The following GAS7 variants were observed in gnomAD, a reference collection of about 807,000 sequenced individuals.
GAS7 encodes the protein growth arrest-specific protein 7.
A neutral mutation model predicts 71.1 loss-of-function variants in GAS7; 28 were observed. That is an observed-to-expected ratio of 0.39 (90% CI 0.29 to 0.54). The LOEUF is 0.54. Among genes scored for constraint, GAS7 ranks in the 20% least tolerant of loss-of-function variants. The pLI is 0.62. For synonymous variants in GAS7, 258 were observed against 245.8 expected, an observed-to-expected ratio of 1.05 and a Z score of -0.46; for missense variants, 436 against 627.8, an observed-to-expected ratio of 0.69 and a Z score of 3.27.
intron 1 of GAS7, among the ~76,000 whole-genome samples, chr17:10,058,327 C>A (rs181422969): frequency 6.6e-6 from 1 of 152,084 alleles, no homozygotes; most frequent in East Asian, 1.9e-4. Flanking sequence ...GTGGCAGGTG[C>A]CTGTAGTCCA....
At chr17:9,950,855 C>CA (rs537877970) in intron 5 of GAS7, among the ~76,000 whole-genome samples, 15,500 of 139,232 alleles carry the variant, frequency 0.11, 818 homozygotes, top group South Asian at 0.15. Flanking sequence ...GACTGTGTCT[C>CA]AAAAAAAAAA....
intron 9 of GAS7, among the ~76,000 whole-genome samples, chr17:9,927,290 T>TACATACACACAC (rs1555589671): frequency 2.6e-5 from 3 of 116,890 alleles, no homozygotes; most frequent in Non-Finnish European, 3.5e-5. Context: ...CTCTACTACA[T>TACATACACACAC]ACACACACAC....
intron 1 of GAS7, among the ~76,000 whole-genome samples, chr17:10,086,438 G>A (rs558623742): frequency 2.0e-5 from 3 of 152,276 alleles, no homozygotes; most frequent in South Asian, 2.1e-4. Context: ...TTTTCACCCG[G>A]CATTCCCGAT....
chr17:10,080,459 C>T (rs1376054995), intron 1 of GAS7, among the ~76,000 whole-genome samples: 1 of 152,108 alleles, frequency 6.6e-6, no homozygotes, highest in Non-Finnish European at 1.5e-5. Flanking sequence ...TATGAAGTAG[C>T]CATTCTTTCA....
intron 6 of GAS7, among the ~76,000 whole-genome samples, chr17:9,945,036 G>T (rs958844489): frequency 1.3e-5 from 2 of 152,026 alleles, no homozygotes; most frequent in African/African-American, 4.8e-5. Context: ...CACAAGTGTC[G>T]CCCTCCGGAT....
chr17:10,118,529 G>A (rs183341309), intron 1 of GAS7, among the ~76,000 whole-genome samples: 8 of 152,120 alleles, frequency 5.3e-5, no homozygotes, highest in South Asian at 2.1e-4. Flanking sequence ...TGGCCAACAC[G>A]GTAAAACCCC....
chr17:10,159,065 C>CATATATATATATATATATATATATATAT (rs745794234), intron 1 of GAS7, among the ~76,000 whole-genome samples: 63 of 59,936 alleles, frequency 1.1e-3, no homozygotes, highest in East Asian at 1.8e-3. Flanking sequence ...GTCTCTAAAA[C>CATATATATATATATATATATATATATAT]ATATATATAT....
At chr17:10,108,951 A>G (rs1421095893) in intron 1 of GAS7, among the ~76,000 whole-genome samples, 1 of 152,192 alleles carries the variant, frequency 6.6e-6, no homozygotes, top group Non-Finnish European at 1.5e-5. Context: ...ACAGACAACA[A>G]AACCAAAAAT....
chr17:9,928,721 A>G (rs370531292), intron 9 of GAS7, among the ~76,000 whole-genome samples: 10 of 152,330 alleles, frequency 6.6e-5, no homozygotes, highest in South Asian at 2.1e-4. Flanking sequence ...AGGTGTCCCT[A>G]TTCTAAGCAA....
At chr17:10,181,465 T>C (rs61410609) in intron 1 of GAS7, among the ~76,000 whole-genome samples, 18,235 of 151,692 alleles carry the variant, frequency 0.12, 1,293 homozygotes, top group East Asian at 0.25. Context: ...GAGGGTTACT[T>C]CGAGGAACAG....
At chr17:9,996,363 T>C (rs144026812) in intron 2 of GAS7, among the ~76,000 whole-genome samples, 6 of 140,292 alleles carry the variant, frequency 4.3e-5, no homozygotes, top group South Asian at 2.2e-4. Context: ...TAGGTGGGAA[T>C]TGAACAATGA....
At chr17:10,097,493 G>T (rs1390228516) in intron 1 of GAS7, among the ~76,000 whole-genome samples, 1 of 152,194 alleles carries the variant, frequency 6.6e-6, no homozygotes, top group African/African-American at 2.4e-5. Flanking sequence ...GGGCGAGCAG[G>T]ACACACTGGA....
chr17:9,929,239 G>C (rs2068122080), intron 9 of GAS7, among the ~76,000 whole-genome samples: 1 of 152,148 alleles, frequency 6.6e-6, no homozygotes, highest in Non-Finnish European at 1.5e-5. Flanking sequence ...TGACTTTCAG[G>C]CTTTAATACG....
Position 9,919,969 on chromosome 17 carries a change from T to TTGTGTGTGTGTGTGTGTGTGTGTGTGTG in GAS7, c.1139-292_1139-265dup, listed in dbSNP as rs34994635. 1.5e-5 allele frequency among the ~76,000 whole-genome samples: 2 copies of TTGTGTGTGTGTGTGTGTGTGTGTGTGTG among 131,398 alleles called. No individual in the cohort carries two copies. Among genetic ancestry groups the TTGTGTGTGTGTGTGTGTGTGTGTGTGTG allele is most frequent in the Non-Finnish European group, 3.2e-5 (2 of 62,654 alleles). The allele number at this position is 131,398 out of a possible 152,430, so 86.2% of individuals were successfully genotyped here. A position where few individuals can be genotyped will look rare whatever the true frequency, so the allele number is the denominator to read the frequency against. ...AGGATTCAGGATGGTGGTTCTCATT[T>TTGTGTGTGTGTGTGTGTGTGTGTGTGTG]TGTGTGTGTGTGTGTGTGTGTGTGT... On this transcript the variant is annotated intron_variant, in intron 11 of 13. Transcript: ENST00000432992. The surrounding 1 kb of genome is among the most constrained non-coding windows in gnomAD (Gnocchi z 5.0).
intron 6 of GAS7, among the ~76,000 whole-genome samples, chr17:9,945,183 C>T (rs970003646): frequency 1.3e-5 from 2 of 152,078 alleles, no homozygotes; most frequent in Non-Finnish European, 2.9e-5. Context: ...ATTTACTGCA[C>T]CCCTCTTGAG....
intron 1 of GAS7, among the ~76,000 whole-genome samples, chr17:10,121,407 T>A (rs778179478): frequency 6.6e-6 from 1 of 151,896 alleles, no homozygotes; most frequent in African/African-American, 2.4e-5. Flanking sequence ...ATTTAAAAAT[T>A]TAAAAAAAGA....
Position 9,915,349 on chromosome 17 carries a change from A to G in GAS7, c.*1879T>C, listed in dbSNP as rs1430472319. ...ACTAAGCCACAAAGCAATTACCACT[A>G]GCACCCATTTTTCATAAAGAAACCA... On this transcript the variant is annotated 3_prime_UTR_variant, in exon 14 of 14. Transcript: ENST00000432992. The G allele has an allele frequency of 1.3e-5, 3 of 231,130 alleles. No individual in the cohort carries two copies. The East Asian group carries it at 1.8e-4, about 14-fold the overall frequency. The allele number at this position is 231,130 out of a possible 1,614,324, so 14.3% of individuals were successfully genotyped here.
intron 5 of GAS7, among the ~76,000 whole-genome samples, chr17:9,948,371 G>A (rs909568604): frequency 1.1e-4 from 16 of 152,198 alleles, no homozygotes; most frequent in African/African-American, 3.1e-4. Context: ...TGTATCATAC[G>A]AACAAATACA....
At chr17:9,994,662 A>G (rs1056608582) in intron 2 of GAS7, among the ~76,000 whole-genome samples, 4 of 150,820 alleles carry the variant, frequency 2.7e-5, no homozygotes, top group African/African-American at 9.8e-5. Context: ...AATGGCAACA[A>G]AAGCCAAAAT....
Sources: gnomAD v4.1 joint callset for allele counts (sites outside exome capture counted in the v4.1 genomes callset) on GRCh38, gnomAD v4.1.1 for gene constraint, Gnocchi (gnomAD v3.1) non-coding constraint, MANE v1.5 for transcripts, NCBI Gene and HGNC (gene_info 2026-07-23, HGNC 2026-07-21) for gene names.